FHIT: variants seen among roughly 807,000 people sequenced by gnomAD.
FHIT encodes the protein bis(5'-adenosyl)-triphosphatase.
In FHIT, 19 loss-of-function variants were observed where a neutral mutation model predicts 17.9. The observed-to-expected ratio is 1.06, with a 90% CI of 0.74 to 1.56. The LOEUF (loss-of-function observed/expected upper bound fraction) is 1.56, where lower values mean the gene tolerates loss of function less well. FHIT is among the 40% of genes most tolerant of loss of function. The pLI is 0.00. For synonymous variants in FHIT, 81 were observed against 69.7 expected, an observed-to-expected ratio of 1.16 and a Z score of -0.81; for missense variants, 248 against 189.2, an observed-to-expected ratio of 1.31 and a Z score of -1.82.
At chr3:60,198,888 C>T (rs1185896304) in intron 5 of FHIT, among the ~76,000 whole-genome samples, 1 of 152,148 alleles carries the variant, frequency 6.6e-6, no homozygotes, top group Non-Finnish European at 1.5e-5. Flanking sequence ...TAATCTACAA[C>T]AGTATTACTG....
At chr3:60,309,949 C>T (rs1386629774) in intron 5 of FHIT, among the ~76,000 whole-genome samples, 2 of 152,064 alleles carry the variant, frequency 1.3e-5, no homozygotes, top group Non-Finnish European at 2.9e-5. Context: ...ACTTCACATT[C>T]GAGTGTCTCA....
chr3:60,733,766 C>T (rs2042080378), intron 4 of FHIT, among the ~76,000 whole-genome samples: 1 of 152,158 alleles, frequency 6.6e-6, no homozygotes, highest in South Asian at 2.1e-4. Flanking sequence ...ATTTCTAATG[C>T]CGAGGACCCT....
intron 5 of FHIT, among the ~76,000 whole-genome samples, chr3:60,097,693 A>C (rs2107125524): frequency 6.6e-6 from 1 of 151,468 alleles, no homozygotes; most frequent in East Asian, 1.9e-4. Flanking sequence ...AATTCTACCA[A>C]TTAATTTTTT....
At chr3:60,895,784 T>C (rs1705781902) in intron 3 of FHIT, among the ~76,000 whole-genome samples, 1 of 150,484 alleles carries the variant, frequency 6.6e-6, no homozygotes, top group African/African-American at 2.4e-5. Flanking sequence ...GTGTCCCATT[T>C]CAAGCTGGTT....
intron 3 of FHIT, among the ~76,000 whole-genome samples, chr3:60,949,527 C>T (rs1708788358): frequency 6.6e-6 from 1 of 152,214 alleles, no homozygotes; most frequent in Non-Finnish European, 1.5e-5. Context: ...AGACATTAAT[C>T]TATTTTAACT....
At chr3:60,059,659 G>T (rs1702222220) in intron 5 of FHIT, among the ~76,000 whole-genome samples, 2 of 152,082 alleles carry the variant, frequency 1.3e-5, no homozygotes, top group African/African-American at 4.8e-5. Flanking sequence ...CAAGAACTGA[G>T]GTTGCTGCAG....
chr3:60,781,628 ATATCC>A (rs782046884), intron 4 of FHIT, among the ~76,000 whole-genome samples: 9 of 152,176 alleles, frequency 5.9e-5, no homozygotes, highest in Non-Finnish European at 1.2e-4. Context: ...TTCAAAGTAC[ATATCC>A]TATTGCTAGC....
chr3:60,657,383 GA>G (rs2040142377), intron 4 of FHIT, among the ~76,000 whole-genome samples: 1 of 152,170 alleles, frequency 6.6e-6, no homozygotes, highest in Admixed American at 6.5e-5. Context: ...TCCCCCTTGG[GA>G]AACACTGACC....
chr3:59,790,762 T>C (rs1302643678), intron 8 of FHIT, among the ~76,000 whole-genome samples: 2 of 152,190 alleles, frequency 1.3e-5, no homozygotes, highest in African/African-American at 2.4e-5. Context: ...AACACTGTAA[T>C]ATCTATGAGA....
At chr3:60,128,523 A>C (rs1398677845) in intron 5 of FHIT, among the ~76,000 whole-genome samples, 3 of 152,212 alleles carry the variant, frequency 2.0e-5, no homozygotes, top group African/African-American at 7.2e-5. Context: ...TATTAGCAGC[A>C]TGAAAATGGA....
At chr3:59,766,089 C>G (rs1476380216) in intron 8 of FHIT, among the ~76,000 whole-genome samples, 1 of 152,048 alleles carries the variant, frequency 6.6e-6, no homozygotes, top group Non-Finnish European at 1.5e-5. Context: ...TGTGAGGAGA[C>G]AAGGGGATGG....
chr3:60,852,856 T>TC (rs1703210972), intron 3 of FHIT, among the ~76,000 whole-genome samples: 1 of 151,860 alleles, frequency 6.6e-6, no homozygotes, highest in African/African-American at 2.4e-5. Flanking sequence ...CAAGATTTTT[T>TC]CAAAAAAAGA....
chr3:60,754,134 G>T (rs2042524234), intron 4 of FHIT, among the ~76,000 whole-genome samples: 1 of 152,106 alleles, frequency 6.6e-6, no homozygotes, highest in African/African-American at 2.4e-5. Flanking sequence ...GGCCTTACCA[G>T]GATAAGAAAA....
chr3:60,220,858 A>G (rs1703929057), intron 5 of FHIT, among the ~76,000 whole-genome samples: 1 of 152,192 alleles, frequency 6.6e-6, no homozygotes, highest in Admixed American at 6.5e-5. Context: ...GCCACAGTCG[A>G]TGCCATTTCC....
intron 8 of FHIT, among the ~76,000 whole-genome samples, chr3:59,842,660 G>A (rs1440660515): frequency 6.6e-6 from 1 of 152,146 alleles, no homozygotes; most frequent in Admixed American, 6.6e-5. Context: ...CTAGTGATTA[G>A]TGATGCTGAG....
chr3:60,440,398 A>C (rs1384453369), intron 5 of FHIT, among the ~76,000 whole-genome samples: 1 of 152,108 alleles, frequency 6.6e-6, no homozygotes, highest in Non-Finnish European at 1.5e-5. Context: ...TCTAATTTTG[A>C]AAGGAATTGT....
intron 4 of FHIT, among the ~76,000 whole-genome samples, chr3:60,619,569 A>C (rs2039055055): frequency 6.9e-6 from 1 of 144,016 alleles, no homozygotes; most frequent in East Asian, 2.1e-4. Context: ...CTTTTCCACA[A>C]ATGGATCTAG....
At chr3:60,079,337 A>G (rs1703173060) in intron 5 of FHIT, among the ~76,000 whole-genome samples, 1 of 152,184 alleles carries the variant, frequency 6.6e-6, no homozygotes, top group Non-Finnish European at 1.5e-5. Context: ...ATGTGTTTCT[A>G]CACAATTGAA....
intron 7 of FHIT, among the ~76,000 whole-genome samples, chr3:59,948,331 C>T (rs1413700085): frequency 2.1e-5 from 3 of 140,002 alleles, no homozygotes; most frequent in Non-Finnish European, 4.6e-5. Context: ...AGTGAAACCC[C>T]GTCTCCACTA....
Sources: gnomAD v4.1 joint callset for allele counts (sites outside exome capture counted in the v4.1 genomes callset) on GRCh38, gnomAD v4.1.1 for gene constraint, MANE v1.5 for transcripts, NCBI Gene and HGNC (gene_info 2026-07-23, HGNC 2026-07-21) for gene names.